The following ZFAND4 variants were observed in gnomAD, a reference collection of about 807,000 sequenced individuals.
The protein encoded by ZFAND4 is zinc finger AN1-type containing 4, also known as AN1-type zinc finger protein 4.
In ZFAND4, 43 loss-of-function variants were observed where a neutral mutation model predicts 64.4. That is an observed-to-expected ratio of 0.67 (90% CI 0.52 to 0.86). The LOEUF (loss-of-function observed/expected upper bound fraction) is 0.86. Among genes scored for constraint, ZFAND4 ranks in the 40% least tolerant of loss-of-function variants. ZFAND4 has a pLI of 0.00. For synonymous variants in ZFAND4, 296 were observed against 305.7 expected (o/e 0.97, Z 0.33); for missense variants, 929 against 859.8 (o/e 1.08, Z -1.01).
rs2045956547 is a variant in ZFAND4, at chr10:45,628,024, T to C, written c.718-919A>G. On this transcript the variant is annotated intron_variant, in intron 6 of 9. Coordinates refer to ENST00000344646, the MANE Select transcript of ZFAND4 (RefSeq NM_174890.4). ...TCCTAGCAAACCATCACACCTGGGG[T>C]GGTCTTGGTGCCCTCTGGCATGGTA... is the stretch of plus-strand genomic sequence containing the variant. 3.3e-5 allele frequency among the ~76,000 whole-genome samples: 5 copies of C among 152,132 alleles called. No individual in the cohort carries two copies. In the South Asian group the frequency reaches 6.2e-4, roughly 19 times the overall value.
intron 8 of ZFAND4, among the ~76,000 whole-genome samples, chr10:45,620,498 C>G (rs759968879): frequency 7.2e-5 from 11 of 152,014 alleles, no homozygotes; most frequent in Non-Finnish European, 1.0e-4. Flanking sequence ...AAAAAGAACT[C>G]TTGCGAATGT....
At position 45,618,044 on chromosome 10, in the gene ZFAND4, G is replaced by A. The variant is rs571923883; in HGVS notation, c.2048+96C>T. On this transcript the variant is annotated intron_variant, in intron 9 of 9. Coordinates refer to ENST00000344646, the MANE Select transcript of ZFAND4 (RefSeq NM_174890.4). The stretch of plus-strand genomic sequence containing the variant: ...AGCTATTGAACATCATCTTAATGAT[G>A]TTATAAACAGGCAATTTAAATATTT... 1.7e-5 allele frequency: 22 copies of A among 1,308,448 alleles called. No homozygotes were observed. In the African/African-American group the frequency reaches 2.7e-4, roughly 16 times the overall value. 81.1% of individuals were successfully genotyped at this position (1,308,448 alleles called of 1,614,324 possible).
chr10:45,639,522 T>C (rs2046846041), intron 6 of ZFAND4, among the ~76,000 whole-genome samples: 2 of 152,194 alleles, frequency 1.3e-5, no homozygotes, highest in Admixed American at 1.3e-4. Context: ...AAATAAATAT[T>C]AACATATTTT....
intron 5 of ZFAND4, chr10:45,640,463 T>G: frequency 8.4e-7 from 1 of 1,186,352 alleles, no homozygotes; most frequent in Non-Finnish European, 1.1e-6. Context: ...ACAGGTGTCA[T>G]CAGAACATTT....
chr10:45,625,416 G>C (rs1446550958), intron 7 of ZFAND4, among the ~76,000 whole-genome samples: 5 of 148,020 alleles, frequency 3.4e-5, no homozygotes, highest in African/African-American at 1.2e-4. Context: ...AGAGCTTGCA[G>C]TGAGCCGAGA....
chr10:45,626,830 G>A lies in ZFAND4; in HGVS notation c.993C>T (p.Phe331=). 6.2e-7 allele frequency: 1 copy of A among 1,614,218 alleles called. No individual in the cohort carries two copies. Among genetic ancestry groups the A allele is most frequent in the Non-Finnish European group, 8.5e-7 (1 of 1,180,050 alleles). The change falls in exon 7 of 10, where the codon TTC becomes TTT. Residue 331 remains phenylalanine (F), a synonymous_variant. Transcript: ENST00000344646. ...GAGGAGGTAGTTTGACGTTGCTACT[G>A]AAGTGAGACAGTGTGTTATTCTCCC... ...NSWENNTLSH[F]SSNVKLPPQI...
intron 2 of ZFAND4, among the ~76,000 whole-genome samples, chr10:45,655,126 T>A (rs887576005): frequency 5.9e-5 from 9 of 152,126 alleles, no homozygotes; most frequent in African/African-American, 2.2e-4. Context: ...CAAAAATTTT[T>A]AAAAAATCAA....
chr10:45,631,011 A>G (rs1454442406), intron 6 of ZFAND4, among the ~76,000 whole-genome samples: 1 of 151,328 alleles, frequency 6.6e-6, no homozygotes, highest in African/African-American at 2.4e-5. Context: ...ACGATGTTCT[A>G]ACTTATGTAT....
At chr10:45,620,527 T>C (rs1186220257) in intron 8 of ZFAND4, among the ~76,000 whole-genome samples, 1 of 152,096 alleles carries the variant, frequency 6.6e-6, no homozygotes, top group Non-Finnish European at 1.5e-5. Flanking sequence ...AGAGAATACA[T>C]TAGTGACAGT....
chr10:45,635,325 C>T (rs1053798198), intron 6 of ZFAND4, among the ~76,000 whole-genome samples: 1 of 151,194 alleles, frequency 6.6e-6, no homozygotes, highest in African/African-American at 2.4e-5. Flanking sequence ...AACATAGATG[C>T]ACAACCAATG....
At chr10:45,640,370 A>C in intron 5 of ZFAND4, 1 of 1,273,772 alleles carries the variant, frequency 7.9e-7, no homozygotes, top group Non-Finnish European at 1.0e-6. Context: ...ATTTTTTTAA[A>C]TTTGGCACGG....
intron 6 of ZFAND4, among the ~76,000 whole-genome samples, chr10:45,631,568 G>A (rs1212447011): frequency 6.6e-6 from 1 of 151,650 alleles, no homozygotes; most frequent in Non-Finnish European, 1.5e-5. Context: ...CATTTACAGA[G>A]AAAAGAAAGA....
Position 45,616,182 on chromosome 10 carries a change from C to A in ZFAND4, c.*254G>T. 1 of 444,694 alleles carries A rather than the reference C, an allele frequency of 2.2e-6. No individual in the cohort carries two copies. 27.5% of individuals were successfully genotyped at this position (444,694 alleles called of 1,614,324 possible). The stretch of plus-strand genomic sequence containing the variant: ...AAACTGCAATATCATATACAAAACA[C>A]TTAACACAAGACATGCAATAACAAA... On this transcript the variant is annotated 3_prime_UTR_variant, in exon 10 of 10. Transcript: ENST00000344646.
Position 45,626,647 on chromosome 10 carries a change from T to C in ZFAND4, c.1176A>G (p.Gln392=). The change falls in exon 7 of 10, where the codon CAA becomes CAG. Residue 392 remains glutamine (Q), a synonymous_variant. Coordinates refer to ENST00000344646, the MANE Select transcript of ZFAND4 (RefSeq NM_174890.4). ...GTGAGCCCACTTTAGGTAGAAGTGA[T>C]TGTTCGGTTACACATTCTTCTGAAG... ...VLPSEECVTE[Q]SLLPKVGSLA... The C allele has an allele frequency of 1.2e-6, 2 of 1,614,228 alleles. No individual in the cohort carries two copies. The highest frequency in any genetic ancestry group is 1.7e-6 in the Non-Finnish European group (2 of 1,180,040).
intron 1 of ZFAND4, among the ~76,000 whole-genome samples, chr10:45,666,337 C>T (rs184304992): frequency 1.3e-5 from 2 of 152,116 alleles, no homozygotes; most frequent in East Asian, 3.9e-4. Flanking sequence ...TGATTATTGG[C>T]CATTTGCATA....
chr10:45,648,596 G>C (rs888656334), intron 4 of ZFAND4, 62 bp from the exon 5 acceptor site: 1 of 1,526,816 alleles, frequency 6.5e-7, no homozygotes, highest in African/African-American at 1.4e-5. Context: ...TCTTGGTACA[G>C]TGACAGGATA....
chr10:45,643,467 A>G (rs1339384695), intron 5 of ZFAND4, among the ~76,000 whole-genome samples: 1 of 151,250 alleles, frequency 6.6e-6, no homozygotes, highest in Non-Finnish European at 1.5e-5. Context: ...ACGGGAGATC[A>G]AGACCATCCT....
At chr10:45,669,408 A>T (rs1400296129) in intron 1 of ZFAND4, among the ~76,000 whole-genome samples, 5 of 152,228 alleles carry the variant, frequency 3.3e-5, no homozygotes, top group Admixed American at 3.3e-4. Context: ...CAACAAAAAA[A>T]GTCCAGGTCC....
chr10:45,635,201 A>AC (rs1195185852), intron 6 of ZFAND4, among the ~76,000 whole-genome samples: 8 of 145,374 alleles, frequency 5.5e-5, no homozygotes, highest in Non-Finnish European at 1.2e-4. Context: ...TAAGCAAAAA[A>AC]AAAAAAAAAA....
Sources: gnomAD v4.1 joint callset for allele counts (sites outside exome capture counted in the v4.1 genomes callset) on GRCh38, gnomAD v4.1.1 for gene constraint, MANE v1.5 for transcripts, NCBI Gene and HGNC (gene_info 2026-07-23, HGNC 2026-07-21) for gene names.